The following DLG2 variants were observed in gnomAD, a reference collection of about 807,000 sequenced individuals.
DLG2 encodes the protein disks large homolog 2.
DLG2 carries 45 observed loss-of-function variants against 132.5 expected under a neutral mutation model. The ratio of observed to expected loss-of-function variants is 0.34; its 90% CI spans 0.27 to 0.44. The LOEUF is 0.44. Ranked by LOEUF, DLG2 falls within the 20% of genes least tolerant of loss-of-function variation. The pLI, the probability that DLG2 is intolerant of heterozygous loss-of-function variation, is 1.00. For synonymous variants in DLG2, 424 were observed against 419.6 expected (o/e 1.01, Z -0.13); for missense variants, 1,045 against 1,196.9 (o/e 0.87, Z 1.87).
intron 17 of DLG2, among the ~76,000 whole-genome samples, chr11:83,808,513 C>T (rs1435429500): frequency 1.3e-5 from 2 of 152,160 alleles, no homozygotes; most frequent in South Asian, 4.1e-4. Flanking sequence ...AACAGAGGAC[C>T]TGGAACTCTC....
intron 3 of DLG2, among the ~76,000 whole-genome samples, chr11:85,412,008 T>C (rs531282258): frequency 1.7e-3 from 265 of 151,932 alleles, no homozygotes; most frequent in Admixed American, 3.4e-3. Context: ...GTATCACCAA[T>C]GTGTTTTTGG....
intron 11 of DLG2, among the ~76,000 whole-genome samples, chr11:84,040,541 C>T (rs918952082): frequency 3.3e-5 from 5 of 151,954 alleles, no homozygotes; most frequent in African/African-American, 1.2e-4. Context: ...AGATATGCGG[C>T]ATTATTTCTG....
chr11:85,595,433 C>T (rs1275365959), intron 3 of DLG2, among the ~76,000 whole-genome samples: 1 of 152,130 alleles, frequency 6.6e-6, no homozygotes, highest in African/African-American at 2.4e-5. Context: ...CATCTTAAAA[C>T]TTTATTCATT....
chr11:84,394,108 C>T (rs948963812), intron 7 of DLG2, among the ~76,000 whole-genome samples: 1 of 152,144 alleles, frequency 6.6e-6, no homozygotes, highest in African/African-American at 2.4e-5. Flanking sequence ...AACTCCTGAT[C>T]TCAAGCGATC....
At chr11:83,466,917 G>C (rs898650363) in intron 25 of DLG2, 100 bp from the exon 26 acceptor site, 1 of 750,658 alleles carries the variant, frequency 1.3e-6, no homozygotes, top group Non-Finnish European at 2.3e-6. Context: ...GAAGGTAGGG[G>C]ATGCTGGATT....
At chr11:84,566,206 AC>A in intron 6 of DLG2, among the ~76,000 whole-genome samples, 1 of 151,546 alleles carries the variant, frequency 6.6e-6, no homozygotes. Flanking sequence ...CAATTGATCC[AC>A]CCTCCTCGGC....
intron 12 of DLG2, among the ~76,000 whole-genome samples, chr11:83,972,076 T>C (rs2091443546): frequency 6.6e-6 from 1 of 152,022 alleles, no homozygotes; most frequent in Non-Finnish European, 1.5e-5. Flanking sequence ...TCATGAGTAA[T>C]GAAAATCGGA....
intron 6 of DLG2, among the ~76,000 whole-genome samples, chr11:84,573,398 AG>A (rs1287314528): frequency 5.3e-5 from 8 of 152,200 alleles, no homozygotes; most frequent in Non-Finnish European, 7.4e-5. Flanking sequence ...TATAATGCAA[AG>A]ACTATGATGA....
intron 6 of DLG2, among the ~76,000 whole-genome samples, chr11:84,752,178 T>C (rs1352675280): frequency 2.0e-5 from 3 of 152,238 alleles, no homozygotes; most frequent in African/African-American, 7.2e-5. Flanking sequence ...CCTGGCTTTC[T>C]AGCCTTGGAT....
chr11:85,079,649 T>C (rs1008749862), intron 6 of DLG2, among the ~76,000 whole-genome samples: 1 of 152,126 alleles, frequency 6.6e-6, no homozygotes, highest in Admixed American at 6.5e-5. Context: ...TATGGCCAAG[T>C]GACTTTGAGC....
intron 7 of DLG2, among the ~76,000 whole-genome samples, chr11:84,440,327 A>G (rs2099013669): frequency 1.3e-5 from 2 of 152,238 alleles, no homozygotes; most frequent in South Asian, 4.1e-4. Flanking sequence ...TATATTTGTC[A>G]AATGCATCTA....
intron 3 of DLG2, among the ~76,000 whole-genome samples, chr11:85,455,785 GGTTTTT>G (rs2092402134): frequency 6.6e-6 from 1 of 152,028 alleles, no homozygotes; most frequent in South Asian, 2.1e-4. Context: ...ATAATCATGT[GGTTTTT>G]GTTTTTAAGT....
At chr11:84,239,735 G>T (rs1409111829) in intron 8 of DLG2, among the ~76,000 whole-genome samples, 3 of 152,106 alleles carry the variant, frequency 2.0e-5, no homozygotes, top group African/African-American at 7.2e-5. Context: ...CCCGATATGT[G>T]CTAGTCTGTA....
chr11:83,487,254 A>G (rs531552942), intron 21 of DLG2, among the ~76,000 whole-genome samples: 3 of 152,212 alleles, frequency 2.0e-5, no homozygotes, highest in Admixed American at 1.3e-4. Flanking sequence ...GCAAGCTGGC[A>G]AATCTAAGAA....
chr11:84,144,391 G>A (rs535961730), intron 9 of DLG2, among the ~76,000 whole-genome samples: 4 of 152,116 alleles, frequency 2.6e-5, no homozygotes, highest in Admixed American at 2.0e-4. Flanking sequence ...TCCTTACTTC[G>A]TGCTCATAGA....
chr11:84,853,595 C>A (rs1451104597), intron 6 of DLG2, among the ~76,000 whole-genome samples: 1 of 152,020 alleles, frequency 6.6e-6, no homozygotes, highest in Non-Finnish European at 1.5e-5. Context: ...CTGCATCGAG[C>A]ACTGTGCTAG....
At chr11:84,266,906 C>T (rs578131327) in intron 7 of DLG2, among the ~76,000 whole-genome samples, 1 of 152,314 alleles carries the variant, frequency 6.6e-6, no homozygotes, top group East Asian at 1.9e-4. Flanking sequence ...TTTAAGAAAC[C>T]ATACTTGGCA....
chr11:85,183,674 G>A (rs1487782537), intron 4 of DLG2, among the ~76,000 whole-genome samples: 1 of 151,836 alleles, frequency 6.6e-6, no homozygotes, highest in Non-Finnish European at 1.5e-5. Flanking sequence ...TTACTGCATG[G>A]GCAGGCTGAG....
At chr11:85,366,996 T>G (rs1236197513) in intron 3 of DLG2, among the ~76,000 whole-genome samples, 2 of 152,172 alleles carry the variant, frequency 1.3e-5, no homozygotes, top group African/African-American at 4.8e-5. Context: ...TATAGTATAC[T>G]TCCAGAAAAG....
Sources: gnomAD v4.1 joint callset for allele counts (sites outside exome capture counted in the v4.1 genomes callset) on GRCh38, gnomAD v4.1.1 for gene constraint, MANE v1.5 for transcripts, NCBI Gene and HGNC (gene_info 2026-07-23, HGNC 2026-07-21) for gene names.